The following CTNNA3 variants were observed in gnomAD, a reference collection of about 807,000 sequenced individuals.
CTNNA3 encodes catenin alpha-3.
CTNNA3 carries 76 observed loss-of-function variants against 95.7 expected under a neutral mutation model. The ratio of observed to expected loss-of-function variants is 0.79; its 90% CI spans 0.66 to 0.96. CTNNA3 has a LOEUF of 0.96. CTNNA3 is among the 40% of genes least tolerant of loss of function. The pLI is 0.00. For missense variants in CTNNA3, 1,191 were observed against 1,089.8 expected (o/e 1.09, Z -1.31); for synonymous variants, 431 against 374.4 (o/e 1.15, Z -1.74).
intron 11 of CTNNA3, among the ~76,000 whole-genome samples, chr10:66,478,631 T>G (rs1489283864): frequency 2.6e-5 from 4 of 151,940 alleles, no homozygotes; most frequent in Admixed American, 6.6e-5. Context: ...AGATCATTAT[T>G]AGTAATAAAG....
At chr10:67,032,765 G>T (rs547392278) in intron 7 of CTNNA3, among the ~76,000 whole-genome samples, 1 of 151,874 alleles carries the variant, frequency 6.6e-6, no homozygotes, top group East Asian at 1.9e-4. Flanking sequence ...GTCAACAAAA[G>T]CAATTTTCCT....
At chr10:66,558,720 T>C (rs145170016) in intron 10 of CTNNA3, among the ~76,000 whole-genome samples, 4 of 152,242 alleles carry the variant, frequency 2.6e-5, no homozygotes, top group African/African-American at 9.6e-5. Flanking sequence ...TTCATCAATG[T>C]TTATGGTACA....
At chr10:67,021,748 A>C (rs535568166) in intron 7 of CTNNA3, among the ~76,000 whole-genome samples, 1 of 152,324 alleles carries the variant, frequency 6.6e-6, no homozygotes. Context: ...TGGACTTCTT[A>C]AAATGTGCAC....
intron 10 of CTNNA3, among the ~76,000 whole-genome samples, chr10:66,616,479 C>A (rs1030874672): frequency 2.0e-5 from 3 of 152,080 alleles, no homozygotes; most frequent in African/African-American, 7.2e-5. Context: ...TCCTCCAGGT[C>A]TTTTCCTGGC....
chr10:66,583,686 G>T (rs1162348896), intron 10 of CTNNA3, among the ~76,000 whole-genome samples: 1 of 151,202 alleles, frequency 6.6e-6, no homozygotes, highest in Admixed American at 6.6e-5. Flanking sequence ...ATTTAGCTCT[G>T]CTCTGATCTT....
chr10:66,860,212 A>C (rs1364360272), intron 7 of CTNNA3, among the ~76,000 whole-genome samples: 1 of 152,158 alleles, frequency 6.6e-6, no homozygotes, highest in Non-Finnish European at 1.5e-5. Context: ...TTTAGAGATA[A>C]TCTAAAAGAA....
intron 7 of CTNNA3, among the ~76,000 whole-genome samples, chr10:66,975,479 T>C (rs1389312681): frequency 6.6e-6 from 1 of 152,192 alleles, no homozygotes; most frequent in Non-Finnish European, 1.5e-5. Flanking sequence ...GGTTTCCCTT[T>C]CCTGAGGATT....
chr10:67,666,681 AT>A (rs1241731814), intron 1 of CTNNA3, among the ~76,000 whole-genome samples: 1 of 152,162 alleles, frequency 6.6e-6, no homozygotes, highest in Non-Finnish European at 1.5e-5. Context: ...AATGACATGT[AT>A]TTTTATACTT....
chr10:67,384,217 A>G (rs1844057432), intron 5 of CTNNA3, among the ~76,000 whole-genome samples: 1 of 152,204 alleles, frequency 6.6e-6, no homozygotes, highest in African/African-American at 2.4e-5. Flanking sequence ...TAAGGTCGCT[A>G]TACATCACTG....
At chr10:67,734,784 C>G (rs1025112193) in intron 1 of CTNNA3, among the ~76,000 whole-genome samples, 2 of 151,942 alleles carry the variant, frequency 1.3e-5, no homozygotes, top group South Asian at 4.2e-4. Flanking sequence ...TCAGACAAGT[C>G]TTTAAAGGAT....
chr10:67,158,827 T>G (rs998092559), intron 7 of CTNNA3, among the ~76,000 whole-genome samples: 2 of 150,130 alleles, frequency 1.3e-5, no homozygotes, highest in African/African-American at 2.5e-5. Context: ...TAAATCACTA[T>G]CAATCTATTA....
intron 7 of CTNNA3, among the ~76,000 whole-genome samples, chr10:66,834,093 T>C (rs961012499): frequency 2.0e-5 from 3 of 152,148 alleles, no homozygotes; most frequent in African/African-American, 7.2e-5. Flanking sequence ...GGTTCCTAGA[T>C]AGAGAATGCC....
intron 5 of CTNNA3, among the ~76,000 whole-genome samples, chr10:67,317,585 C>T (rs1841113456): frequency 6.6e-6 from 1 of 152,010 alleles, no homozygotes; most frequent in African/African-American, 2.4e-5. Context: ...ATCACCATGC[C>T]CGGCTAATTT....
intron 8 of CTNNA3, 51 bp downstream of exon 8, chr10:66,775,393 A>T (rs1265424525): frequency 1.7e-6 from 2 of 1,183,388 alleles, no homozygotes; most frequent in East Asian, 2.4e-5. Context: ...AATGAATAAC[A>T]GTTTCATTTA....
intron 11 of CTNNA3, among the ~76,000 whole-genome samples, chr10:66,466,389 T>C (rs1157415832): frequency 1.2e-4 from 17 of 145,808 alleles, no homozygotes; most frequent in Non-Finnish European, 2.4e-4. Context: ...ATTGGTTCTG[T>C]TTCCCCGGAG....
chr10:66,224,101 C>G (rs777386496), intron 13 of CTNNA3, among the ~76,000 whole-genome samples: 2 of 152,128 alleles, frequency 1.3e-5, no homozygotes, highest in African/African-American at 2.4e-5. Flanking sequence ...TCCTACCTCA[C>G]TGTTTGAGCT....
At chr10:66,289,802 T>C (rs953729590) in intron 12 of CTNNA3, among the ~76,000 whole-genome samples, 1 of 152,080 alleles carries the variant, frequency 6.6e-6, no homozygotes, top group Non-Finnish European at 1.5e-5. Context: ...ATGTTTAAAG[T>C]AGTTATAGAA....
At chr10:66,363,044 C>T (rs191078250) in intron 12 of CTNNA3, among the ~76,000 whole-genome samples, 41 of 152,246 alleles carry the variant, frequency 2.7e-4, no homozygotes, top group Admixed American at 6.5e-4. Flanking sequence ...ATAAAATACA[C>T]GGTTTCTTCT....
intron 6 of CTNNA3, among the ~76,000 whole-genome samples, chr10:67,188,077 C>G (rs1031875846): frequency 1.3e-5 from 2 of 152,128 alleles, no homozygotes; most frequent in Admixed American, 1.3e-4. Context: ...ACACTATTAA[C>G]CAAGAAAATC....
Sources: gnomAD v4.1 joint callset for allele counts (sites outside exome capture counted in the v4.1 genomes callset) on GRCh38, gnomAD v4.1.1 for gene constraint, MANE v1.5 for transcripts, NCBI Gene and HGNC (gene_info 2026-07-23, HGNC 2026-07-21) for gene names.